The following EPS8L1 variants were observed in gnomAD, a reference collection of about 807,000 sequenced individuals.
The protein encoded by EPS8L1 is epidermal growth factor receptor kinase substrate 8-like protein 1.
In EPS8L1, 101 loss-of-function variants were observed where a neutral mutation model predicts 91.7. The ratio of observed to expected loss-of-function variants is 1.10; its 90% CI spans 0.94 to 1.30. The LOEUF is 1.30. Ranked by LOEUF, EPS8L1 falls within the 50% of genes most tolerant of loss-of-function variation. EPS8L1 has a pLI of 0.00. For synonymous variants in EPS8L1, 506 were observed against 445.3 expected (o/e 1.14, Z -1.72); for missense variants, 1,114 against 1,017.0 (o/e 1.10, Z -1.30).
At position 55,083,633 on chromosome 19, in the gene EPS8L1, C is replaced by T. The variant is rs1321325819; in HGVS notation, c.1374C>T (p.Val458=). 23 of 1,594,844 alleles carry T rather than the reference C, an allele frequency of 1.4e-5. No individual in the cohort carries two copies. Among genetic ancestry groups the T allele is most frequent in the Non-Finnish European group, 1.8e-5 (21 of 1,171,272 alleles). ...RRRRQQSAPQ[V]AVNGHRDLEP... is the part of the protein sequence containing the mutation. ...TCCTACAGCAAAGCGCCCCCCAGGT[C>T]GCTGTCAATGGGTGAGTGTCCGCCC... The change falls in exon 14 of 20, where the codon GTC becomes GTT. Residue 458 remains valine (V), a synonymous_variant. Coordinates refer to ENST00000201647, the MANE Select transcript of EPS8L1 (RefSeq NM_133180.3). The surrounding 1 kb of genome is among the most constrained non-coding windows in gnomAD (Gnocchi z 4.7).
chr19:55,079,839 C>T lies in EPS8L1; in HGVS notation c.267C>T (p.Asp89=). Residue 89 remains aspartate (D), a synonymous_variant, in exon 5 of 20, where the codon GAC becomes GAT. Coordinates refer to ENST00000201647, the MANE Select transcript of EPS8L1 (RefSeq NM_133180.3). ...RVSPDHVTLL[D]PASKEELESY... ...CTCCCGACCATGTCACGCTGCTCGA[C>T]CCGGCCTCCAAGGTGCCGGGGGGCA... is the stretch of plus-strand genomic sequence containing the variant. 6.2e-7 allele frequency: 1 copy of T among 1,612,688 alleles called. No homozygotes were observed. The highest frequency in any genetic ancestry group is 8.5e-7 in the Non-Finnish European group (1 of 1,179,420).
At position 55,083,786 on chromosome 19, in the gene EPS8L1, G is replaced by A. The variant is rs924090707; in HGVS notation, c.1385+142G>A. 1 of 1,077,840 alleles carries A rather than the reference G, an allele frequency of 9.3e-7. No homozygotes were observed. Among genetic ancestry groups the A allele is most frequent in the African/African-American group, 1.6e-5 (1 of 64,024 alleles). The allele number at this position is 1,077,840 out of a possible 1,614,324, so 66.8% of individuals were successfully genotyped here. A position where few individuals can be genotyped will look rare whatever the true frequency, so the allele number is the denominator to read the frequency against. On this transcript the variant is annotated intron_variant, in intron 14 of 19. Transcript: ENST00000201647. The surrounding 1 kb of genome is among the most constrained non-coding windows in gnomAD (Gnocchi z 4.7). ...TCTCAGGTGGGTGAGATGGTGATGG[G>A]GCGGGCCGGGGCTGGGAGAGAGGGA...
Position 55,087,675 on chromosome 19 carries a change from T to C in EPS8L1, c.*61T>C, listed in dbSNP as rs183814477. 3.4e-5 allele frequency: 52 copies of C among 1,548,482 alleles called. No homozygotes were observed. In the Admixed American group the frequency reaches 3.5e-4, roughly 10 times the overall value. On this transcript the variant is annotated 3_prime_UTR_variant, in exon 20 of 20. Transcript: ENST00000201647. ...CCGTGGGAGAACGGACTCCTCAGAC[T>C]CTCCCCAATAGCGGAAGTCGATCTT...
chr19:55,081,229 A>C lies in EPS8L1; in HGVS notation c.513-2A>C. The C allele has an allele frequency of 1.3e-6, 2 of 1,506,002 alleles. No homozygotes were observed. The highest frequency in any genetic ancestry group is 1.8e-6 in the Non-Finnish European group (2 of 1,138,876). The allele number at this position is 1,506,002 out of a possible 1,614,324, so 93.3% of individuals were successfully genotyped here. A position where few individuals can be genotyped will look rare whatever the true frequency, so the allele number is the denominator to read the frequency against. ...TCTTGGTGTCCCCGTCGCCCTCCGCAGGGCCACGCAGGAGGAGTTGCAGCG... is the reference window on the plus strand; with the variant it reads ...TCTTGGTGTCCCCGTCGCCCTCCGCCGGGCCACGCAGGAGGAGTTGCAGCG... On this transcript the variant is annotated splice_acceptor_variant, in intron 7 of 19. Transcript: ENST00000201647. LOFTEE classifies it high-confidence loss of function. The surrounding 1 kb of genome is among the most constrained non-coding windows in gnomAD (Gnocchi z 4.9).
rs1425647779 is a variant in EPS8L1 at position 55,086,502 on chromosome 19, G to C, written c.1761G>C (p.Leu587Phe). Residue 587 changes from leucine (L) to phenylalanine (F), a missense_variant, in exon 17 of 20, where the codon TTG becomes TTC. Coordinates refer to ENST00000201647, the MANE Select transcript of EPS8L1 (RefSeq NM_133180.3). ...ACAGCTGCGATAGCCTCAACGGCTT[G>C]GACCCCAGCGAGAAGGGTGAGTGGT... ...RWDSCDSLNG[L>F]DPSEKEKFSQ... 1.3e-6 allele frequency: 2 copies of C among 1,551,312 alleles called. No homozygotes were observed. Among genetic ancestry groups the C allele is most frequent in the Admixed American group, 3.9e-5 (2 of 51,004 alleles).
rs545560591 is a variant in EPS8L1 at position 55,080,572 on chromosome 19, T to A, written c.430-200T>A. On this transcript the variant is annotated intron_variant, in intron 6 of 19. Coordinates refer to ENST00000201647, the MANE Select transcript of EPS8L1 (RefSeq NM_133180.3). ...GGCGAGGAACCACCCGGACTGGGTC[T>A]CCATGGGCGGGGTCGTGGCTTAGGG... 8 of 1,608,468 alleles carry A rather than the reference T, an allele frequency of 5.0e-6. No homozygotes were observed. In the African/African-American group the frequency reaches 1.1e-4, roughly 21 times the overall value.
chr19:55,087,213 A>T, intron 18 of EPS8L1, 90 bp from the exon 19 acceptor site: 1 of 1,504,556 alleles, frequency 6.6e-7, no homozygotes, highest in Non-Finnish European at 8.8e-7. Flanking sequence ...TGCTGTTCTG[A>T]TTGGACCATC....
At chr19:55,076,157 G>A (rs61712477) in intron 1 of EPS8L1, among the ~76,000 whole-genome samples, 220 of 113,056 alleles carry the variant, frequency 1.9e-3, no homozygotes, top group African/African-American at 5.5e-3. Context: ...TCCTGGGTCT[G>A]AGGGAGGAGT....
intron 6 of EPS8L1, 129 bp downstream of exon 6, chr19:55,080,407 A>AG: frequency 1.3e-6 from 2 of 1,581,756 alleles, no homozygotes; most frequent in Non-Finnish European, 1.7e-6. Context: ...AAGGAAGGGC[A>AG]GGGGACCTGG....
chr19:55,079,566 A>C (rs1395992626), intron 4 of EPS8L1, 124 bp from the exon 5 acceptor site: 2 of 1,172,980 alleles, frequency 1.7e-6, no homozygotes, highest in East Asian at 5.2e-5. Flanking sequence ...GGAACAGGTG[A>C]TCAAGGAAGG....
At chr19:55,086,657 C>A in intron 17 of EPS8L1, 57 bp from the exon 18 acceptor site, 1 of 627,458 alleles carries the variant, frequency 1.6e-6, no homozygotes, top group Non-Finnish European at 2.7e-6. Flanking sequence ...CGCCCTCTGG[C>A]CCCAGGACCC....
chr19:55,080,232 A>T lies in EPS8L1; in HGVS notation c.383A>T (p.Glu128Val), dbSNP rs760145394. ...SLLLLVCQEP[E>V]RAQPDVHFFQ... Reference sequence around the variant, plus strand: ...CTGCTGCTCGTGTGCCAGGAACCCGAGCGCGCGCAGCCCGACGTGCACTTC... The same window carrying T: ...CTGCTGCTCGTGTGCCAGGAACCCGTGCGCGCGCAGCCCGACGTGCACTTC... The change falls in exon 6 of 20, where the codon GAG becomes GTG. Residue 128 changes from glutamate (E) to valine (V), a missense_variant. Coordinates refer to ENST00000201647, the MANE Select transcript of EPS8L1 (RefSeq NM_133180.3). 2.6e-6 allele frequency: 4 copies of T among 1,536,938 alleles called. No homozygotes were observed. The highest frequency in any genetic ancestry group is 3.5e-6 in the Non-Finnish European group (4 of 1,137,100).
chr19:55,079,145 C>T, intron 4 of EPS8L1, 88 bp downstream of exon 4: 1 of 1,375,308 alleles, frequency 7.3e-7, no homozygotes, highest in African/African-American at 1.4e-5. Flanking sequence ...GCTAGGCCCC[C>T]AAGCAGGAAG....
chr19:55,080,591 C>G, intron 6 of EPS8L1, 181 bp from the exon 7 acceptor site: 2 of 1,600,828 alleles, frequency 1.2e-6, no homozygotes, highest in Non-Finnish European at 1.7e-6. Flanking sequence ...GGGGTCGTGG[C>G]TTAGGGCAGG....
intron 4 of EPS8L1, 33 bp downstream of exon 4, chr19:55,079,090 C>G: frequency 6.2e-7 from 1 of 1,608,466 alleles, no homozygotes; most frequent in African/African-American, 1.3e-5. Flanking sequence ...CCCAGGACAT[C>G]TTCTGGGGCA....
Position 55,081,093 on chromosome 19 carries a change from G to A in EPS8L1, c.513-138G>A. The stretch of plus-strand genomic sequence containing the variant: ...GAGAGGTGCTATCCCTCCGTATATC[G>A]GATTTCTCCCTACCTCGTTGAACTT... On this transcript the variant is annotated intron_variant, in intron 7 of 19. Transcript: ENST00000201647. This position sits in a 1 kb window ranked among gnomAD's most constrained non-coding sequence, Gnocchi z 4.9. 1 of 1,137,080 alleles carries A rather than the reference G, an allele frequency of 8.8e-7. No homozygotes were observed. Among genetic ancestry groups the A allele is most frequent in the South Asian group, 1.6e-5 (1 of 60,962 alleles). The allele number at this position is 1,137,080 out of a possible 1,614,324, so 70.4% of individuals were successfully genotyped here.
chr19:55,082,325 C>A lies in EPS8L1; in HGVS notation c.1041C>A (p.His347Gln). 6.2e-7 allele frequency: 1 copy of A among 1,612,754 alleles called. No homozygotes were observed. Among genetic ancestry groups the A allele is most frequent in the Non-Finnish European group, 8.5e-7 (1 of 1,179,864 alleles). ...ACCCCTCCTCTCCGGAGCTGTTGCA[C>A]TTCCTTTTCGGGCCTCTGCAGATGG... Reference protein sequence around the residue: ...IADPSSPELLHFLFGPLQMIV... With the variant: ...IADPSSPELLQFLFGPLQMIV... The change falls in exon 11 of 20, where the codon CAC becomes CAA. Residue 347 changes from histidine (H) to glutamine (Q), a missense_variant. Transcript: ENST00000201647.
chr19:55,083,292 G>A lies in EPS8L1; in HGVS notation c.1215-86G>A. ...AATCGTTGGAATACAGCGAGCTTTA[G>A]GGGAAAACTTAGTGAAGTTAATGCA... On this transcript the variant is annotated intron_variant, in intron 12 of 19. Transcript: ENST00000201647. The surrounding 1 kb of genome is among the most constrained non-coding windows in gnomAD (Gnocchi z 4.7). 3 of 1,532,930 alleles carry A rather than the reference G, an allele frequency of 2.0e-6. No individual in the cohort carries two copies. The highest frequency in any genetic ancestry group is 2.6e-6 in the Non-Finnish European group (3 of 1,132,724). 95.0% of individuals were successfully genotyped at this position (1,532,930 alleles called of 1,614,324 possible).
Position 55,081,499 on chromosome 19 carries a change from C to G in EPS8L1, c.774+7C>G. On this transcript the variant is annotated splice_region_variant and intron_variant, in intron 8 of 19. Coordinates refer to ENST00000201647, the MANE Select transcript of EPS8L1 (RefSeq NM_133180.3). This position sits in a 1 kb window ranked among gnomAD's most constrained non-coding sequence, Gnocchi z 4.9. The stretch of plus-strand genomic sequence containing the variant: ...GCAGGCGGAGCGGGAAGTGGTGAGC[C>G]GCTAAGGAAGGGGTCTGGGGGCAGG... 1 of 1,571,512 alleles carries G rather than the reference C, an allele frequency of 6.4e-7. No homozygotes were observed. The highest frequency in any genetic ancestry group is 2.3e-5 in the East Asian group (1 of 43,964).
Sources: gnomAD v4.1 joint callset for allele counts (sites outside exome capture counted in the v4.1 genomes callset) on GRCh38, gnomAD v4.1.1 for gene constraint, Gnocchi (gnomAD v3.1) non-coding constraint, MANE v1.5 for transcripts, NCBI Gene and HGNC (gene_info 2026-07-23, HGNC 2026-07-21) for gene names.